SMLR1: variants seen among roughly 807,000 people sequenced by gnomAD.
SMLR1 encodes small leucine-rich protein 1.
SMLR1 carries 3 observed loss-of-function variants against 6.1 expected under a neutral mutation model. That is an observed-to-expected ratio of 0.49 (90% CI 0.22 to 1.28). The LOEUF is 1.28. SMLR1 is among the 50% of genes most tolerant of loss of function. SMLR1 has a pLI of 0.19. For synonymous variants in SMLR1, 55 were observed against 53.6 expected (o/e 1.03, Z -0.11); for missense variants, 126 against 124.8 (o/e 1.01, Z -0.05).
At chr6:130,829,246 C>A (rs543466604) in intron 1 of SMLR1, among the ~76,000 whole-genome samples, 2 of 152,220 alleles carry the variant, frequency 1.3e-5, no homozygotes, top group East Asian at 1.9e-4. Context: ...TATTACAGGC[C>A]AGTTAATTCA....
chr6:130,831,923 T>G (rs1240444586), intron 1 of SMLR1, among the ~76,000 whole-genome samples: 1 of 152,148 alleles, frequency 6.6e-6, no homozygotes, highest in Non-Finnish European at 1.5e-5. Flanking sequence ...TAGGAGGTAA[T>G]GGTGCACATA....
In SMLR1 at chr6:130,831,342, AT is replaced by A. The variant is rs920952716; in HGVS notation, c.239-3519del. On this transcript the variant is annotated intron_variant, in intron 1 of 1. Transcript: ENST00000541421. ...TCTCCCACATGGAATCAGTGCATCT[AT>A]TTTTTTTTGGAGTAATTCTTGATTA... Among the ~76,000 whole-genome samples the A allele has an allele frequency of 4.6e-5, 7 of 151,118 alleles. No homozygotes were observed. The East Asian group carries it at 5.8e-4, about 13-fold the overall frequency.
rs1041341856 is a variant in SMLR1 at position 130,836,935 on chromosome 6, T to A, written c.*1980T>A. On this transcript the variant is annotated 3_prime_UTR_variant, in exon 2 of 2. Coordinates refer to ENST00000541421, the MANE Select transcript of SMLR1 (RefSeq NM_001195597.2). The stretch of plus-strand genomic sequence containing the variant: ...ACCTAGACCAAGTCGGCAGTCTCCC[T>A]ACATTACCCTACATTCAGCTGCATC... 3 of 152,202 alleles carry A rather than the reference T, an allele frequency of 2.0e-5. No individual in the cohort carries two copies. The highest frequency in any genetic ancestry group is 4.4e-5 in the Non-Finnish European group (3 of 68,106). The allele number at this position is 152,202 out of a possible 1,614,324, so 9.4% of individuals were successfully genotyped here. A position where few individuals can be genotyped will look rare whatever the true frequency, so the allele number is the denominator to read the frequency against.
In SMLR1 at chr6:130,835,959, C is replaced by T. The variant is rs1047238117; in HGVS notation, c.*1004C>T. The T allele has an allele frequency of 2.0e-5, 3 of 152,180 alleles. No individual in the cohort carries two copies. The highest frequency in any genetic ancestry group is 4.8e-5 in the African/African-American group (2 of 41,462). 9.4% of individuals were successfully genotyped at this position (152,180 alleles called of 1,614,324 possible). On this transcript the variant is annotated 3_prime_UTR_variant, in exon 2 of 2. Transcript: ENST00000541421. ...GGACATTAACAGGCTGAGTGATCCA[C>T]TTTATAAAACATAATGAATGGGGTC...
rs1335593456 is a variant in SMLR1 at position 130,835,294 on chromosome 6, C to A, written c.*339C>A. 1.5e-5 allele frequency: 3 copies of A among 193,650 alleles called. No individual in the cohort carries two copies. The highest frequency in any genetic ancestry group is 1.1e-4 in the Admixed American group (2 of 18,758). The allele number at this position is 193,650 out of a possible 1,614,324, so 12.0% of individuals were successfully genotyped here. A position where few individuals can be genotyped will look rare whatever the true frequency, so the allele number is the denominator to read the frequency against. ...ATTCTGCAGCATCTTACTACATAAT[C>A]CCATAGGAACCCCTATTATTCCGAT... On this transcript the variant is annotated 3_prime_UTR_variant, in exon 2 of 2. Coordinates refer to ENST00000541421, the MANE Select transcript of SMLR1 (RefSeq NM_001195597.2).
chr6:130,827,570 T>C lies in SMLR1; in HGVS notation c.157T>C (p.Phe53Leu), dbSNP rs916922896. ...TTTCATGAGGGAGCTCCCTGGCTGGTTCCTGTTCTTTGGGGTCTTCCTCCC... is the reference window on the plus strand; with the variant it reads ...TTTCATGAGGGAGCTCCCTGGCTGGCTCCTGTTCTTTGGGGTCTTCCTCCC... ...SAFMRELPGW[F>L]LFFGVFLPVT... The change falls in exon 1 of 2, where the codon TTC becomes CTC. Residue 53 changes from phenylalanine (F) to leucine (L), a missense_variant. Coordinates refer to ENST00000541421, the MANE Select transcript of SMLR1 (RefSeq NM_001195597.2). The C allele has an allele frequency of 1.2e-5, 18 of 1,535,782 alleles. No individual in the cohort carries two copies. Among genetic ancestry groups the C allele is most frequent in the African/African-American group, 1.4e-5 (1 of 72,970 alleles).
At chr6:130,829,284 T>C (rs1181221663) in intron 1 of SMLR1, among the ~76,000 whole-genome samples, 1 of 152,172 alleles carries the variant, frequency 6.6e-6, no homozygotes, top group Admixed American at 6.5e-5. Context: ...TGGGATAGAC[T>C]CTGCAAAAAG....
At chr6:130,833,686 A>G (rs1050286680) in intron 1 of SMLR1, among the ~76,000 whole-genome samples, 1 of 152,240 alleles carries the variant, frequency 6.6e-6, no homozygotes, top group Admixed American at 6.5e-5. Context: ...TCATCATGTC[A>G]TCACAAGAAT....
Position 130,835,065 on chromosome 6 carries a change from TAGAA to T in SMLR1, c.*115_*118del, listed in dbSNP as rs1192300733. 4 of 846,816 alleles carry T rather than the reference TAGAA, an allele frequency of 4.7e-6. No homozygotes were observed. Among genetic ancestry groups the T allele is most frequent in the Non-Finnish European group, 5.6e-6 (3 of 533,550 alleles). The allele number at this position is 846,816 out of a possible 1,614,324, so 52.5% of individuals were successfully genotyped here. A position where few individuals can be genotyped will look rare whatever the true frequency, so the allele number is the denominator to read the frequency against. ...TTGATAAACTAGAACCATAGCAAAATAGAAAGAATACTAAGATACTCATTCTGAA... is the reference window on the plus strand; with the variant it reads ...TTGATAAACTAGAACCATAGCAAAATAGAATACTAAGATACTCATTCTGAA... On this transcript the variant is annotated 3_prime_UTR_variant, in exon 2 of 2. Transcript: ENST00000541421.
chr6:130,829,242 A>T (rs901449185), intron 1 of SMLR1, among the ~76,000 whole-genome samples: 2 of 152,224 alleles, frequency 1.3e-5, no homozygotes, highest in Non-Finnish European at 2.9e-5. Context: ...CAGCTATTAC[A>T]GGCCAGTTAA....
intron 1 of SMLR1, among the ~76,000 whole-genome samples, 152 bp downstream of exon 1, chr6:130,827,803 C>G (rs1467179215): frequency 1.3e-5 from 2 of 152,082 alleles, no homozygotes; most frequent in African/African-American, 4.8e-5. Context: ...TCTCAAGTTC[C>G]TTGATCAATT....
At chr6:130,831,340 C>T (rs975130354) in intron 1 of SMLR1, among the ~76,000 whole-genome samples, 4 of 152,126 alleles carry the variant, frequency 2.6e-5, no homozygotes, top group African/African-American at 9.7e-5. Flanking sequence ...ATCAGTGCAT[C>T]TATTTTTTTT....
chr6:130,827,741 C>A, intron 1 of SMLR1, 90 bp downstream of exon 1: 1 of 888,208 alleles, frequency 1.1e-6, no homozygotes, highest in Non-Finnish European at 1.7e-6. Flanking sequence ...TGTTTTCTGG[C>A]CAGGAGAAAC....
chr6:130,828,458 A>G lies in SMLR1; in HGVS notation c.238+807A>G, dbSNP rs1027259887. Among the ~76,000 whole-genome samples, 21 of 152,358 alleles carry G rather than the reference A, an allele frequency of 1.4e-4. No homozygotes were observed. In the East Asian group the frequency reaches 3.1e-3, roughly 22 times the overall value. On this transcript the variant is annotated intron_variant, in intron 1 of 1. Coordinates refer to ENST00000541421, the MANE Select transcript of SMLR1 (RefSeq NM_001195597.2). ...TATTTCTTAATTTGGATAGTGTCAT[A>G]TTAAAACAAATTTGAAAAACCCTCC... is the stretch of plus-strand genomic sequence containing the variant.
Position 130,836,295 on chromosome 6 carries a change from T to C in SMLR1, c.*1340T>C, listed in dbSNP as rs1037440587. On this transcript the variant is annotated 3_prime_UTR_variant, in exon 2 of 2. Coordinates refer to ENST00000541421, the MANE Select transcript of SMLR1 (RefSeq NM_001195597.2). ...CAGTGCTCTTGCCATATGGAAGGAATAACAATATTCTTTCAGTTTTGGGAG... is the reference window on the plus strand; with the variant it reads ...CAGTGCTCTTGCCATATGGAAGGAACAACAATATTCTTTCAGTTTTGGGAG... 3.9e-5 allele frequency: 6 copies of C among 152,204 alleles called. No homozygotes were observed. The highest frequency in any genetic ancestry group is 7.4e-5 in the Non-Finnish European group (5 of 68,014). 9.4% of individuals were successfully genotyped at this position (152,204 alleles called of 1,614,324 possible).
intron 1 of SMLR1, among the ~76,000 whole-genome samples, chr6:130,832,215 T>G (rs60667194): frequency 0.026 from 3,898 of 152,168 alleles, 166 homozygotes; most frequent in African/African-American, 0.09. Context: ...ATCGCCCTGA[T>G]CAGGAACAAA....
chr6:130,830,121 A>G (rs1774395232), intron 1 of SMLR1, among the ~76,000 whole-genome samples: 2 of 152,154 alleles, frequency 1.3e-5, no homozygotes, highest in Non-Finnish European at 2.9e-5. Flanking sequence ...AAATCAGCAG[A>G]AGTTAGAGGA....
At chr6:130,828,655 C>T (rs6908154) in intron 1 of SMLR1, among the ~76,000 whole-genome samples, 103,191 of 152,086 alleles carry the variant, frequency 0.68, 35,350 homozygotes, top group South Asian at 0.82. Context: ...CTAGGAGACA[C>T]AGACAGTATG....
chr6:130,834,610 C>T (rs1774584154), intron 1 of SMLR1, among the ~76,000 whole-genome samples: 1 of 152,154 alleles, frequency 6.6e-6, no homozygotes, highest in Admixed American at 6.5e-5. Context: ...ATATACTTAG[C>T]ATGTAACAAT....
Sources: gnomAD v4.1 joint callset for allele counts (sites outside exome capture counted in the v4.1 genomes callset) on GRCh38, gnomAD v4.1.1 for gene constraint, MANE v1.5 for transcripts, NCBI Gene and HGNC (gene_info 2026-07-23, HGNC 2026-07-21) for gene names.